Variants in ADAM10 observed in about 807,000 individuals in gnomAD.
ADAM10 encodes disintegrin and metalloproteinase domain-containing protein 10.
ADAM10 carries 17 observed loss-of-function variants against 90.1 expected under a neutral mutation model. The observed-to-expected ratio is 0.19, with a 90% CI of 0.13 to 0.28. ADAM10 has a LOEUF of 0.28. Ranked by LOEUF, ADAM10 falls within the 10% of genes least tolerant of loss-of-function variation. The probability of loss-of-function intolerance (pLI) is 1.00; values close to 1 mark genes in which losing one functional copy is unlikely to be tolerated. For synonymous variants in ADAM10, 310 were observed against 298.6 expected, an observed-to-expected ratio of 1.04 and a Z score of -0.40; for missense variants, 610 against 914.3, an observed-to-expected ratio of 0.67 and a Z score of 4.29.
At chr15:58,600,465 T>C (rs1364808126) in intron 14 of ADAM10, among the ~76,000 whole-genome samples, 1 of 152,184 alleles carries the variant, frequency 6.6e-6, no homozygotes, top group Non-Finnish European at 1.5e-5. Flanking sequence ...GAAATTACTT[T>C]TTATATACAT....
intron 14 of ADAM10, among the ~76,000 whole-genome samples, chr15:58,608,229 G>C (rs1895331955): frequency 6.6e-6 from 1 of 152,176 alleles, no homozygotes; most frequent in South Asian, 2.1e-4. Context: ...AGCTGCCATA[G>C]TGTAACACAG....
At chr15:58,616,365 T>C (rs768204624) in intron 11 of ADAM10, among the ~76,000 whole-genome samples, 2 of 152,212 alleles carry the variant, frequency 1.3e-5, no homozygotes, top group Admixed American at 1.3e-4. Context: ...TTCTCCAGGA[T>C]AGACCACATA....
chr15:58,735,063 T>C (rs567658151), intron 1 of ADAM10, among the ~76,000 whole-genome samples: 10 of 152,316 alleles, frequency 6.6e-5, no homozygotes, highest in Admixed American at 2.0e-4. Flanking sequence ...GCTCAGAAAG[T>C]ATAGATAGAG....
intron 2 of ADAM10, among the ~76,000 whole-genome samples, chr15:58,689,491 A>AAAT (rs1187351438): frequency 1.6e-4 from 25 of 152,130 alleles, no homozygotes; most frequent in East Asian, 1.9e-4. Flanking sequence ...GTCTCCACAA[A>AAAT]AATAATAATA....
intron 9 of ADAM10, 104 bp downstream of exon 9, chr15:58,633,092 C>G: frequency 9.0e-7 from 1 of 1,112,210 alleles, no homozygotes; most frequent in South Asian, 1.4e-5. Context: ...AAAAACTAAA[C>G]ACTCGTAAGT....
intron 1 of ADAM10, among the ~76,000 whole-genome samples, chr15:58,740,959 G>A (rs1279531659): frequency 6.6e-6 from 1 of 152,052 alleles, no homozygotes; most frequent in African/African-American, 2.4e-5. Flanking sequence ...GTCTGGAAAC[G>A]ACATAATTTT....
rs764550002 is a variant in ADAM10 at position 58,610,506 on chromosome 15, T to A, written c.1816A>T (p.Thr606Ser). ...TGCACAGACCCTGTACTGGCACAAG[T>A]TGATGGGTCCACTGGAAAAGAAATG... ...VCCMKKMDPS[T>S]CASTGSVQWS... The change falls in exon 14 of 16, where the codon ACT (threonine) becomes TCT (serine). Residue 606 changes from threonine (T) to serine (S), a missense_variant. Physicochemically the swap from Thr to Ser is moderately conservative, Grantham distance 58. Coordinates refer to ENST00000260408, the MANE Select transcript of ADAM10 (RefSeq NM_001110.4). 7 of 1,614,128 alleles carry A rather than the reference T, an allele frequency of 4.3e-6. No homozygotes were observed. In the South Asian group the frequency reaches 7.7e-5, roughly 18 times the overall value.
chr15:58,645,945 A>G (rs1197383189), intron 6 of ADAM10, 110 bp downstream of exon 6: 14 of 1,190,116 alleles, frequency 1.2e-5, no homozygotes, highest in East Asian at 2.4e-5. Flanking sequence ...ACAACTGAAA[A>G]CACATACTTT....
At chr15:58,638,400 G>A (rs1896325180) in intron 8 of ADAM10, among the ~76,000 whole-genome samples, 1 of 151,610 alleles carries the variant, frequency 6.6e-6, no homozygotes, top group African/African-American at 2.4e-5. Flanking sequence ...CGGATCACGA[G>A]GTCAGGAGAT....
chr15:58,616,818 A>G (rs1376587932), intron 11 of ADAM10, among the ~76,000 whole-genome samples: 2 of 152,172 alleles, frequency 1.3e-5, no homozygotes, highest in African/African-American at 2.4e-5. Flanking sequence ...AAAAAAATAC[A>G]AAGAATCAGG....
chr15:58,623,045 T>C (rs535302206), intron 10 of ADAM10, among the ~76,000 whole-genome samples: 2 of 152,256 alleles, frequency 1.3e-5, no homozygotes, highest in South Asian at 2.1e-4. Flanking sequence ...AAGTTGCGAA[T>C]TGAATAAGTA....
At chr15:58,691,825 G>A (rs189165874) in intron 2 of ADAM10, among the ~76,000 whole-genome samples, 1 of 151,860 alleles carries the variant, frequency 6.6e-6, no homozygotes, top group East Asian at 1.9e-4. Context: ...TGGGATTACA[G>A]GCGTTGTGCC....
chr15:58,691,376 G>A, intron 2 of ADAM10: 1 of 870,264 alleles, frequency 1.1e-6, no homozygotes, highest in Non-Finnish European at 1.9e-6. Context: ...TTACCTCGAA[G>A]CCCTTCTTCC....
chr15:58,663,698 C>G (rs1897019100), intron 5 of ADAM10, among the ~76,000 whole-genome samples: 2 of 151,988 alleles, frequency 1.3e-5, no homozygotes, highest in African/African-American at 2.4e-5. Context: ...GTATATCTCT[C>G]CATTCATTTA....
chr15:58,607,507 G>A (rs534211151), intron 14 of ADAM10, among the ~76,000 whole-genome samples: 25 of 152,236 alleles, frequency 1.6e-4, no homozygotes, highest in African/African-American at 5.1e-4. Flanking sequence ...GACCATTGAA[G>A]GCCCAGAACA....
chr15:58,680,338 G>C (rs929442609), intron 3 of ADAM10, among the ~76,000 whole-genome samples: 4 of 152,138 alleles, frequency 2.6e-5, no homozygotes, highest in Admixed American at 2.0e-4. Context: ...TCCTAGGCTG[G>C]TCTGGAACTC....
At chr15:58,632,358 A>G (rs1486164323) in intron 9 of ADAM10, among the ~76,000 whole-genome samples, 1 of 152,234 alleles carries the variant, frequency 6.6e-6, no homozygotes, top group Non-Finnish European at 1.5e-5. Flanking sequence ...AGTTCCTTTA[A>G]ATACCTTAGC....
chr15:58,676,194 C>T (rs1453715426), intron 4 of ADAM10: 5 of 424,350 alleles, frequency 1.2e-5, no homozygotes, highest in Non-Finnish European at 1.9e-5. Flanking sequence ...TGAGAATTTA[C>T]AGCTTTCTTC....
intron 5 of ADAM10, among the ~76,000 whole-genome samples, chr15:58,654,986 G>A (rs1347515908): frequency 2.0e-5 from 3 of 152,272 alleles, no homozygotes; most frequent in African/African-American, 7.2e-5. Flanking sequence ...GGAAGAAATG[G>A]TCTATAAATA....
Sources: allele counts gnomAD v4.1 joint callset (sites outside exome capture counted in the v4.1 genomes callset), GRCh38; gene constraint gnomAD v4.1.1; transcripts MANE v1.5; gene names NCBI Gene and HGNC (gene_info 2026-07-23, HGNC 2026-07-21).